Variants in PKHD1 observed in about 807,000 individuals in gnomAD.
PKHD1 encodes PKHD1 ciliary IPT domain containing fibrocystin/polyductin.
In PKHD1, 291 loss-of-function variants were observed where a neutral mutation model predicts 412.0. The observed-to-expected ratio is 0.71, with a 90% CI of 0.64 to 0.78. PKHD1 has a LOEUF of 0.78. PKHD1 is among the 30% of genes least tolerant of loss of function. The probability of loss-of-function intolerance (pLI) is 0.00; values close to 1 mark genes in which losing one functional copy is unlikely to be tolerated. For missense variants in PKHD1, 4,825 were observed against 4,950.7 expected, an observed-to-expected ratio of 0.97 and a Z score of 0.76; for synonymous variants, 1,777 against 1,821.5, an observed-to-expected ratio of 0.98 and a Z score of 0.62.
At chr6:51,772,478 T>C (rs1790309696) in intron 55 of PKHD1, among the ~76,000 whole-genome samples, 2 of 151,980 alleles carry the variant, frequency 1.3e-5, no homozygotes, top group Admixed American at 1.3e-4. Flanking sequence ...AATTTTCTCC[T>C]GAAATAAACT....
Position 51,934,877 on chromosome 6 carries a change from A to T in PKHD1, c.5909-555T>A, listed in dbSNP as rs566949238. ...GAGCTGAGTGGAACTGTCAAGCAAGACATCTTATCCTACCATGGCCAGAGT... is the reference window on the plus strand; with the variant it reads ...GAGCTGAGTGGAACTGTCAAGCAAGTCATCTTATCCTACCATGGCCAGAGT... On this transcript the variant is annotated intron_variant, in intron 36 of 66. Coordinates refer to ENST00000371117, the MANE Select transcript of PKHD1 (RefSeq NM_138694.4). Among the ~76,000 whole-genome samples the T allele has an allele frequency of 4.6e-5, 7 of 152,292 alleles. No individual in the cohort carries two copies. The East Asian group carries it at 1.4e-3, about 29-fold the overall frequency.
rs891414197 is a variant in PKHD1, at chr6:51,616,666, A to C, written c.*2415T>G. 5.0e-6 allele frequency: 2 copies of C among 398,286 alleles called. No individual in the cohort carries two copies. The highest frequency in any genetic ancestry group is 8.8e-5 in the Admixed American group (2 of 22,686). 24.7% of individuals were successfully genotyped at this position (398,286 alleles called of 1,614,324 possible). On this transcript the variant is annotated 3_prime_UTR_variant, in exon 67 of 67. Transcript: ENST00000371117. ...TTATAGCTGCTATTTAGGCCCAAAG[A>C]GTCAATTCTGGCCTCAGGGATCACA...
chr6:51,734,807 G>C (rs912502263), intron 60 of PKHD1, among the ~76,000 whole-genome samples: 2 of 152,164 alleles, frequency 1.3e-5, no homozygotes, highest in African/African-American at 4.8e-5. Context: ...CAAACGAAGT[G>C]ATGTGTTAGC....
At chr6:51,975,633 AAAAAAAAAC>A (rs1297116123) in intron 35 of PKHD1, 1 of 151,212 alleles carries the variant, frequency 6.6e-6, no homozygotes, top group Non-Finnish European at 1.5e-5. Context: ...CCATAAAAAA[AAAAAAAAAC>A]AAAAAGAAAA....
intron 11 of PKHD1, among the ~76,000 whole-genome samples, chr6:52,068,198 G>T (rs1029755486): frequency 2.0e-4 from 30 of 152,152 alleles, no homozygotes; most frequent in African/African-American, 7.2e-4. Flanking sequence ...GGCTCAAAAA[G>T]CTTAAAAGGC....
intron 35 of PKHD1, among the ~76,000 whole-genome samples, chr6:52,009,829 A>G (rs1039590802): frequency 6.6e-6 from 1 of 152,046 alleles, no homozygotes; most frequent in Non-Finnish European, 1.5e-5. Context: ...TTCGTTTCTG[A>G]TGTCCACGTA....
intron 60 of PKHD1, among the ~76,000 whole-genome samples, chr6:51,719,809 C>A (rs555099645): frequency 1.4e-4 from 22 of 152,296 alleles, no homozygotes; most frequent in Admixed American, 1.3e-3. Flanking sequence ...CAAGGTCTGG[C>A]AGCTCTTCAA....
chr6:51,906,034 G>T (rs1005088051), intron 41 of PKHD1, among the ~76,000 whole-genome samples, 181 bp downstream of exon 41: 4 of 152,128 alleles, frequency 2.6e-5, no homozygotes, highest in Admixed American at 2.6e-4. Context: ...TATAGGTAAA[G>T]TTTAGTAAGC....
intron 35 of PKHD1, among the ~76,000 whole-genome samples, chr6:51,979,615 C>CCA (rs778448881): frequency 9.2e-5 from 14 of 152,068 alleles, no homozygotes; most frequent in African/African-American, 3.1e-4. Flanking sequence ...GACCTGCCTC[C>CCA]CACACACACT....
At chr6:51,769,102 T>A (rs1789617638) in intron 55 of PKHD1, among the ~76,000 whole-genome samples, 1 of 102,314 alleles carries the variant, frequency 9.8e-6, no homozygotes, top group African/African-American at 5.6e-5. Flanking sequence ...TATTTATGAT[T>A]TTTTACATTC....
At chr6:52,020,852 T>C (rs915469045) in intron 33 of PKHD1, among the ~76,000 whole-genome samples, 5 of 152,138 alleles carry the variant, frequency 3.3e-5, no homozygotes, top group African/African-American at 1.2e-4. Flanking sequence ...TAGTAGTTTC[T>C]AGTAATGTCT....
intron 52 of PKHD1, among the ~76,000 whole-genome samples, chr6:51,795,193 T>C (rs1318879854): frequency 6.6e-6 from 1 of 152,228 alleles, no homozygotes; most frequent in Non-Finnish European, 1.5e-5. Flanking sequence ...GTGTCATCTC[T>C]GATTTCTTTG....
intron 60 of PKHD1, among the ~76,000 whole-genome samples, chr6:51,736,421 G>T (rs1783851616): frequency 6.6e-6 from 1 of 152,134 alleles, no homozygotes. Flanking sequence ...GGTACTCTTT[G>T]GGTCTGAACG....
rs1782603558 is a variant in PKHD1 at position 51,909,292 on chromosome 6, C to T, written c.6673G>A (p.Ala2225Thr). 1.2e-6 allele frequency: 2 copies of T among 1,613,058 alleles called. No individual in the cohort carries two copies. The change falls in exon 40 of 67, where the codon GCT becomes ACT. Residue 2225 changes from alanine to threonine, a missense_variant. By Grantham distance (58) the Ala-to-Thr change is moderately conservative (BLOSUM62 0). Coordinates refer to ENST00000371117, the MANE Select transcript of PKHD1 (RefSeq NM_138694.4). ...GTCCGGACCCCCTTACCTCTCATAG[C>T]TCCCACCAGAGTGAGTGAGCTCAGA... ...KHLSSLTLVG[A>T]MRESFIQGCT... is the part of the protein sequence containing the mutation.
intron 66 of PKHD1, among the ~76,000 whole-genome samples, chr6:51,624,735 G>A (rs1426165628): frequency 4.6e-5 from 7 of 152,142 alleles, no homozygotes. Context: ...CACTTATTCT[G>A]TATAATAACC....
intron 45 of PKHD1, among the ~76,000 whole-genome samples, chr6:51,884,197 AGC>A (rs1199278288): frequency 2.0e-5 from 3 of 152,216 alleles, no homozygotes; most frequent in Non-Finnish European, 4.4e-5. Context: ...TTTTGTAAGT[AGC>A]ATAAATTAAG....
intron 5 of PKHD1, among the ~76,000 whole-genome samples, chr6:52,077,317 A>C (rs534336545): frequency 6.6e-6 from 1 of 152,272 alleles, no homozygotes; most frequent in South Asian, 2.1e-4. Flanking sequence ...AGTATGAAGA[A>C]ACAGGAAAGC....
chr6:51,745,346 T>C (rs952905220), intron 59 of PKHD1, among the ~76,000 whole-genome samples: 2 of 152,132 alleles, frequency 1.3e-5, no homozygotes, highest in Non-Finnish European at 2.9e-5. Context: ...ATGAATAAGA[T>C]AGTACCCTTA....
At chr6:51,930,455 T>C (rs1389964861) in intron 37 of PKHD1, among the ~76,000 whole-genome samples, 1 of 152,170 alleles carries the variant, frequency 6.6e-6, no homozygotes, top group Admixed American at 6.5e-5. Flanking sequence ...AAGAAATACA[T>C]GTAACGTGCT....
Sources: gnomAD v4.1 joint callset for allele counts (sites outside exome capture counted in the v4.1 genomes callset) on GRCh38, gnomAD v4.1.1 for gene constraint, MANE v1.5 for transcripts, NCBI Gene and HGNC (gene_info 2026-07-23, HGNC 2026-07-21) for gene names.